TNIP3: variants seen among roughly 807,000 people sequenced by gnomAD.
The protein encoded by TNIP3 is TNFAIP3-interacting protein 3.
Under a neutral mutation model 54.1 loss-of-function variants are expected in TNIP3, and 34 were observed. The ratio of observed to expected loss-of-function variants is 0.63; its 90% CI spans 0.48 to 0.84. The LOEUF (loss-of-function observed/expected upper bound fraction) is 0.84. Among genes scored for constraint, TNIP3 ranks in the 40% least tolerant of loss-of-function variants. The pLI is 0.00. For synonymous variants in TNIP3, 134 were observed against 136.8 expected, an observed-to-expected ratio of 0.98 and a Z score of 0.14; for missense variants, 366 against 387.6, an observed-to-expected ratio of 0.94 and a Z score of 0.47.
At chr4:121,133,675 C>T (rs1326156111) in intron 10 of TNIP3, among the ~76,000 whole-genome samples, 1 of 152,106 alleles carries the variant, frequency 6.6e-6, no homozygotes, top group African/African-American at 2.4e-5. Context: ...TAATCCACGG[C>T]AGAATGGAAA....
chr4:121,225,412 G>C (rs891949398), intron 1 of TNIP3, among the ~76,000 whole-genome samples: 8 of 152,134 alleles, frequency 5.3e-5, no homozygotes, highest in Non-Finnish European at 1.0e-4. Flanking sequence ...AATTTCATTA[G>C]AAAAGCATTT....
chr4:121,154,233 T>TA lies in TNIP3; in HGVS notation c.492+317dup. Reference sequence around the variant, plus strand: ...GAAGCTTTTGCGGTTGACCAAGAGATACGTTATTGTTCGCAAACACCCACT... The same window carrying TA: ...GAAGCTTTTGCGGTTGACCAAGAGATAACGTTATTGTTCGCAAACACCCACT... On this transcript the variant is annotated intron_variant, in intron 5 of 10. Transcript: ENST00000057513. The TA allele has an allele frequency of 2.6e-5, 8 of 312,554 alleles. No homozygotes were observed. The South Asian group carries it at 2.6e-4, about 10-fold the overall frequency. 19.4% of individuals were successfully genotyped at this position (312,554 alleles called of 1,614,324 possible).
At chr4:121,138,530 C>A in intron 10 of TNIP3, 94 bp downstream of exon 10, 1 of 1,217,230 alleles carries the variant, frequency 8.2e-7, no homozygotes, top group Non-Finnish European at 1.2e-6. Flanking sequence ...TAAGTCCTCC[C>A]CAAGTACGAA....
chr4:121,200,974 T>G (rs1435276842), intron 2 of TNIP3, among the ~76,000 whole-genome samples: 1 of 152,136 alleles, frequency 6.6e-6, no homozygotes, highest in Non-Finnish European at 1.5e-5. Context: ...AAAGGTCAAT[T>G]TTTGGTAAGA....
At chr4:121,144,556 C>T (rs974756714) in intron 7 of TNIP3, among the ~76,000 whole-genome samples, 5 of 152,166 alleles carry the variant, frequency 3.3e-5, no homozygotes, top group African/African-American at 7.2e-5. Flanking sequence ...CGCGTGCCAC[C>T]ATGCCCAGCT....
At chr4:121,154,935 C>T (rs1729993923) in intron 4 of TNIP3, among the ~76,000 whole-genome samples, 1 of 149,594 alleles carries the variant, frequency 6.7e-6, no homozygotes, top group Non-Finnish European at 1.5e-5. Flanking sequence ...TTTTGTGACC[C>T]CAGGAAAAAA....
chr4:121,156,696 A>G (rs1410356422), intron 4 of TNIP3, among the ~76,000 whole-genome samples: 1 of 152,194 alleles, frequency 6.6e-6, no homozygotes, highest in East Asian at 1.9e-4. Context: ...GCACAAATAC[A>G]AGGTATTGCC....
At chr4:121,153,382 CAATGTAAGAAA>C (rs1237175294) in intron 5 of TNIP3, among the ~76,000 whole-genome samples, 1 of 151,798 alleles carries the variant, frequency 6.6e-6, no homozygotes. Flanking sequence ...ATTAACTAGA[CAATGTAAGAAA>C]ACTTGTAATA....
At chr4:121,157,031 A>C (rs1328903109) in intron 4 of TNIP3, 63 bp downstream of exon 4, 3 of 1,601,236 alleles carry the variant, frequency 1.9e-6, no homozygotes, top group Middle Eastern at 3.9e-4. Context: ...TTCTACAGGA[A>C]ATCCCCCCGC....
chr4:121,132,436 T>C lies in TNIP3; in HGVS notation c.*195A>G. On this transcript the variant is annotated 3_prime_UTR_variant, in exon 11 of 11. Transcript: ENST00000057513. ...TGTATTTGGTTGTATAATAACTGGC[T>C]CCTCCAATTTGATCAGGATCTTAGC... 1 of 491,638 alleles carries C rather than the reference T, an allele frequency of 2.0e-6. No individual in the cohort carries two copies. The highest frequency in any genetic ancestry group is 3.6e-6 in the Non-Finnish European group (1 of 276,350). The allele number at this position is 491,638 out of a possible 1,614,324, so 30.5% of individuals were successfully genotyped here.
intron 3 of TNIP3, among the ~76,000 whole-genome samples, chr4:121,158,245 T>C (rs1730227790): frequency 6.6e-6 from 1 of 152,236 alleles, no homozygotes; most frequent in African/African-American, 2.4e-5. Context: ...ACATTTTCAC[T>C]GTTACCACCA....
intron 2 of TNIP3, among the ~76,000 whole-genome samples, chr4:121,202,484 C>T (rs1457342069): frequency 5.3e-5 from 8 of 151,980 alleles, no homozygotes; most frequent in Non-Finnish European, 1.2e-4. Flanking sequence ...TTGGAAAAAC[C>T]TTTCTAGACA....
At chr4:121,156,330 C>T (rs904705540) in intron 4 of TNIP3, among the ~76,000 whole-genome samples, 1 of 152,126 alleles carries the variant, frequency 6.6e-6, no homozygotes, top group African/African-American at 2.4e-5. Flanking sequence ...AAGGTTTCCT[C>T]CCATTTTCTA....
At chr4:121,226,137 C>T (rs1727245414) in intron 1 of TNIP3, among the ~76,000 whole-genome samples, 1 of 143,156 alleles carries the variant, frequency 7.0e-6, no homozygotes, top group African/African-American at 2.6e-5. Flanking sequence ...GACAGAAAAA[C>T]AGGCACAGTG....
At chr4:121,165,442 C>T (rs1010730723), upstream of TNIP3, among the ~76,000 whole-genome samples, 15 of 152,150 alleles carry the variant, frequency 9.9e-5, no homozygotes, top group African/African-American at 3.6e-4. Flanking sequence ...CCTCTCTTTC[C>T]TTCTGATCTT....
intron 2 of TNIP3, among the ~76,000 whole-genome samples, chr4:121,200,825 C>G (rs774653340): frequency 1.3e-5 from 2 of 152,160 alleles, no homozygotes; most frequent in Non-Finnish European, 2.9e-5. Context: ...CTGGCCATTT[C>G]AAGTCCTCTG....
intron 2 of TNIP3, among the ~76,000 whole-genome samples, chr4:121,184,126 T>A (rs1211023481): frequency 7.2e-6 from 1 of 138,034 alleles, no homozygotes; most frequent in African/African-American, 3.5e-5. Context: ...AATTGTGTGA[T>A]TTTTTTTTCT....
intron 1 of TNIP3, among the ~76,000 whole-genome samples, chr4:121,224,401 T>A (rs1293450215): frequency 6.6e-6 from 1 of 151,850 alleles, no homozygotes; most frequent in African/African-American, 2.4e-5. Context: ...AAAAGAAAAG[T>A]TGAGATGAGA....
At chr4:121,162,919 A>G (rs1031447708) in intron 1 of TNIP3, among the ~76,000 whole-genome samples, 7 of 152,174 alleles carry the variant, frequency 4.6e-5, no homozygotes, top group African/African-American at 1.2e-4. Flanking sequence ...AAACATTTGT[A>G]TGTCCCTGCC....
Sources: gnomAD v4.1 joint callset for allele counts (sites outside exome capture counted in the v4.1 genomes callset) on GRCh38, gnomAD v4.1.1 for gene constraint, MANE v1.5 for transcripts, NCBI Gene and HGNC (gene_info 2026-07-23, HGNC 2026-07-21) for gene names.